MARCHF1: variants seen among roughly 807,000 people sequenced by gnomAD.
The protein encoded by MARCHF1 is membrane associated ring-CH-type finger 1.
In MARCHF1, 40 loss-of-function variants were observed where a neutral mutation model predicts 54.2. The ratio of observed to expected loss-of-function variants is 0.74; its 90% confidence interval spans 0.57 to 0.96. The LOEUF (loss-of-function observed/expected upper bound fraction) is 0.96, where lower values mean the gene tolerates loss of function less well. MARCHF1 is among the 40% of genes least tolerant of loss of function. The pLI is 0.00. For missense variants in MARCHF1, 586 were observed against 656.5 expected (o/e 0.89, Z 1.17); for synonymous variants, 236 against 236.3 (o/e 1.00, Z 0.01).
chr4:163,921,089 G>A (rs1751419899), intron 3 of MARCHF1, among the ~76,000 whole-genome samples: 1 of 152,138 alleles, frequency 6.6e-6, no homozygotes, highest in African/African-American at 2.4e-5. Flanking sequence ...GATACCAAAT[G>A]TCTGTGTTTC....
In MARCHF1 at chr4:163,628,853, G is replaced by A. The variant is rs373110887; in HGVS notation, c.163-15460C>T. On this transcript the variant is annotated intron_variant, in intron 5 of 9. Coordinates refer to ENST00000514618, the MANE Select transcript of MARCHF1 (RefSeq NM_001394959.1). ...GAATACAACTTACAAGGGATGTGAA[G>A]GACCTCTTCAAGGATAACTACAAAC... 4.6e-5 allele frequency among the ~76,000 whole-genome samples: 7 copies of A among 152,216 alleles called. No homozygotes were observed. In the East Asian group the frequency reaches 1.2e-3, roughly 25 times the overall value.
rs553280791 is a variant in MARCHF1 at position 164,313,348 on chromosome 4, C to CAAAAAAAAAAA, written c.-323+70511_-323+70521dup. 2.0e-3 allele frequency among the ~76,000 whole-genome samples: 162 copies of CAAAAAAAAAAA among 80,196 alleles called. 2 individuals carry two copies. Among genetic ancestry groups the CAAAAAAAAAAA allele is most frequent in the African/African-American group, 6.7e-3 (142 of 21,246 alleles). The allele number at this position is 80,196 out of a possible 152,430, so 52.6% of individuals were successfully genotyped here. A position where few individuals can be genotyped will look rare whatever the true frequency, so the allele number is the denominator to read the frequency against. On this transcript the variant is annotated intron_variant, in intron 1 of 9. Coordinates refer to ENST00000514618, the MANE Select transcript of MARCHF1 (RefSeq NM_001394959.1). ...TGGGTGGCAGAGCAAGACTCTGTCT[C>CAAAAAAAAAAA]AAAAAAAAAAAAAAAAAAAGTGTAG...
chr4:164,091,410 T>TTAAATATA (rs1553980470), intron 2 of MARCHF1, among the ~76,000 whole-genome samples: 1 of 136,944 alleles, frequency 7.3e-6, no homozygotes, highest in African/African-American at 2.7e-5. Context: ...TCACCAAGTT[T>TTAAATATA]TATATATATA....
At chr4:163,872,543 G>T (rs1579355794) in intron 3 of MARCHF1, among the ~76,000 whole-genome samples, 1 of 152,144 alleles carries the variant, frequency 6.6e-6, no homozygotes, top group East Asian at 1.9e-4. Context: ...TTGTAGAAGT[G>T]CTGTATCACT....
Position 163,805,258 on chromosome 4 carries a change from C to T in MARCHF1, c.111+48763G>A, listed in dbSNP as rs528781886. Among the ~76,000 whole-genome samples the T allele has an allele frequency of 1.6e-4, 25 of 151,960 alleles. 1 individual carries two copies. The highest frequency in any genetic ancestry group is 4.3e-4 in the African/African-American group (18 of 41,444). On this transcript the variant is annotated intron_variant, in intron 4 of 9. Coordinates refer to ENST00000514618, the MANE Select transcript of MARCHF1 (RefSeq NM_001394959.1). ...TTGTATTATTATTGTTAATTTACAGCTTAGTTATTAATTTTTCTTTATAAG... is the reference window on the plus strand; with the variant it reads ...TTGTATTATTATTGTTAATTTACAGTTTAGTTATTAATTTTTCTTTATAAG...
intron 3 of MARCHF1, among the ~76,000 whole-genome samples, chr4:163,961,555 C>T (rs116036112): frequency 6.6e-6 from 1 of 151,824 alleles, no homozygotes; most frequent in African/African-American, 2.4e-5. Context: ...AACCTTTTCA[C>T]GTGCTACCCT....
At chr4:163,639,357 C>G (rs888052522) in intron 5 of MARCHF1, among the ~76,000 whole-genome samples, 35 of 152,114 alleles carry the variant, frequency 2.3e-4, no homozygotes, top group African/African-American at 8.0e-4. Context: ...TTAGAAGAAG[C>G]ACATTGCTGG....
At chr4:163,685,439 C>T (rs1409218859) in intron 5 of MARCHF1, among the ~76,000 whole-genome samples, 1 of 151,962 alleles carries the variant, frequency 6.6e-6, no homozygotes, top group African/African-American at 2.4e-5. Context: ...ATTAATTCTC[C>T]AATTATTTAT....
At chr4:164,361,974 G>C (rs1345271259) in intron 1 of MARCHF1, among the ~76,000 whole-genome samples, 1 of 152,024 alleles carries the variant, frequency 6.6e-6, no homozygotes, top group South Asian at 2.1e-4. Flanking sequence ...GGTAAATTAT[G>C]CATTTGGGGA....
intron 1 of MARCHF1, among the ~76,000 whole-genome samples, chr4:164,294,301 C>T (rs182300152): frequency 1.1e-3 from 160 of 152,242 alleles, no homozygotes; most frequent in African/African-American, 3.8e-3. Flanking sequence ...GTCAATACCC[C>T]TTAATAAACT....
chr4:163,822,691 G>A (rs1748729613), intron 4 of MARCHF1, among the ~76,000 whole-genome samples: 2 of 151,740 alleles, frequency 1.3e-5, no homozygotes, highest in South Asian at 2.1e-4. Flanking sequence ...GGGGTCAGTG[G>A]GATATCCACC....
At chr4:164,207,806 T>C (rs1053767058) in intron 1 of MARCHF1, among the ~76,000 whole-genome samples, 5 of 152,080 alleles carry the variant, frequency 3.3e-5, no homozygotes, top group South Asian at 2.1e-4. Context: ...CAACACACAC[T>C]GGGGCCTTTC....
At chr4:163,613,595 T>A (rs1411180639) in intron 5 of MARCHF1, 4 of 1,463,868 alleles carry the variant, frequency 2.7e-6, no homozygotes, top group Non-Finnish European at 3.6e-6. Flanking sequence ...ACAGCTGAGA[T>A]GCTGCGCTAT....
At position 164,331,599 on chromosome 4, in the gene MARCHF1, C is replaced by T. The variant is rs140200493; in HGVS notation, c.-323+52271G>A. 6.1e-3 allele frequency among the ~76,000 whole-genome samples: 936 copies of T among 152,198 alleles called. 5 individuals carry two copies. The highest frequency in any genetic ancestry group is 0.044 in the Middle Eastern group (13 of 294). ...CTCTTTAAAATTGTGTGTCTTAACA[C>T]GTTGTTTTATAAAATATTTATAAGA... On this transcript the variant is annotated intron_variant, in intron 1 of 9. Transcript: ENST00000514618.
At chr4:163,692,860 G>T (rs181564956) in intron 5 of MARCHF1, among the ~76,000 whole-genome samples, 1 of 151,390 alleles carries the variant, frequency 6.6e-6, no homozygotes, top group Admixed American at 6.6e-5. Context: ...AAGCTGTTGT[G>T]TGCGGTATGT....
intron 3 of MARCHF1, among the ~76,000 whole-genome samples, chr4:163,889,951 A>G (rs1476033337): frequency 7.9e-6 from 1 of 127,292 alleles, no homozygotes; most frequent in Non-Finnish European, 1.6e-5. Context: ...TTGAGATGGA[A>G]TCTCACTCTG....
rs553073899 is a variant in MARCHF1 at position 163,639,786 on chromosome 4, TAAG to T, written c.163-26396_163-26394del. 1.6e-3 allele frequency among the ~76,000 whole-genome samples: 240 copies of T among 152,206 alleles called. 1 individual carries two copies. Among genetic ancestry groups the T allele is most frequent in the African/African-American group, 5.6e-3 (232 of 41,528 alleles). On this transcript the variant is annotated intron_variant, in intron 5 of 9. Transcript: ENST00000514618. The stretch of plus-strand genomic sequence containing the variant: ...AGTTTCAAAAGAAAGTAAGATCTAA[TAAG>T]GAGGAGGAGTAAGGACAGAGTGAGA...
chr4:164,306,094 C>A (rs990473817), intron 1 of MARCHF1, among the ~76,000 whole-genome samples: 1 of 151,936 alleles, frequency 6.6e-6, no homozygotes, highest in African/African-American at 2.4e-5. Flanking sequence ...TGTCTTTATA[C>A]ATGAAATAAA....
At chr4:164,146,944 C>T (rs542346059) in intron 1 of MARCHF1, among the ~76,000 whole-genome samples, 10 of 150,014 alleles carry the variant, frequency 6.7e-5, no homozygotes, top group African/African-American at 2.5e-4. Context: ...GGCTAATATC[C>T]AGAATCTACA....
Sources: gnomAD v4.1 joint callset for allele counts (sites outside exome capture counted in the v4.1 genomes callset) on GRCh38, gnomAD v4.1.1 for gene constraint, MANE v1.5 for transcripts, NCBI Gene and HGNC (gene_info 2026-07-23, HGNC 2026-07-21) for gene names.